Variants in GREM2 observed in about 807,000 individuals in gnomAD.
GREM2 encodes gremlin-2.
In GREM2, 11 loss-of-function variants were observed where a neutral mutation model predicts 14.2. That is an observed-to-expected ratio of 0.78 (90% CI 0.49 to 1.28). The LOEUF (loss-of-function observed/expected upper bound fraction) is 1.28, where lower values mean the gene tolerates loss of function less well. Among genes scored for constraint, GREM2 ranks in the 50% most tolerant of loss-of-function variants. The pLI is 0.00. For synonymous variants in GREM2, 98 were observed against 97.6 expected (o/e 1.00, Z -0.02); for missense variants, 210 against 218.5 (o/e 0.96, Z 0.24).
chr1:240,528,446 C>T (rs1678273837), intron 1 of GREM2, among the ~76,000 whole-genome samples: 1 of 152,114 alleles, frequency 6.6e-6, no homozygotes, highest in South Asian at 2.1e-4. Flanking sequence ...TCATTATTCA[C>T]CTGTCTCCAA....
intron 1 of GREM2, among the ~76,000 whole-genome samples, chr1:240,605,932 AC>A (rs1680016741): frequency 6.6e-6 from 1 of 152,166 alleles, no homozygotes; most frequent in Non-Finnish European, 1.5e-5. Flanking sequence ...ATTTTTCATG[AC>A]ATTTTTATTT....
chr1:240,566,228 G>T (rs897011592), intron 1 of GREM2, among the ~76,000 whole-genome samples: 3 of 152,166 alleles, frequency 2.0e-5, no homozygotes, highest in Admixed American at 2.0e-4. Flanking sequence ...TCTGGCCAAA[G>T]TGGAGTAAAG....
intron 1 of GREM2, among the ~76,000 whole-genome samples, chr1:240,510,136 G>C (rs533501079): frequency 2.0e-5 from 3 of 152,100 alleles, no homozygotes; most frequent in Non-Finnish European, 4.4e-5. Context: ...TTGGGAGGCC[G>C]AGGCGGGCGG....
chr1:240,526,541 G>C (rs1489280233), intron 1 of GREM2, among the ~76,000 whole-genome samples: 1 of 152,130 alleles, frequency 6.6e-6, no homozygotes, highest in African/African-American at 2.4e-5. Flanking sequence ...CCACGGCCTA[G>C]ATCAGGTTAC....
intron 1 of GREM2, among the ~76,000 whole-genome samples, chr1:240,585,322 GT>G (rs1318502932): frequency 6.6e-6 from 1 of 152,082 alleles, no homozygotes; most frequent in Non-Finnish European, 1.5e-5. Context: ...GACTGTTATG[GT>G]CATCTGCAAC....
chr1:240,509,515 T>C (rs1677756272), intron 1 of GREM2, among the ~76,000 whole-genome samples: 1 of 152,008 alleles, frequency 6.6e-6, no homozygotes. Flanking sequence ...ATTACAGGCA[T>C]GCACCAACAA....
At position 240,542,294 on chromosome 1, in the gene GREM2, A is replaced by G. The variant is rs1282764544; in HGVS notation, c.-1-48818T>C. Among the ~76,000 whole-genome samples the G allele has an allele frequency of 6.6e-6, 1 of 152,058 alleles. No individual in the cohort carries two copies. Among genetic ancestry groups the G allele is most frequent in the Non-Finnish European group, 1.5e-5 (1 of 68,026 alleles). ...CTAACAAATCCACAGTAATTGATTC[A>G]GCATTTTAATTTCTAAGGAGCTGAG... On this transcript the variant is annotated intron_variant, in intron 1 of 1. Coordinates refer to ENST00000318160, the MANE Select transcript of GREM2 (RefSeq NM_022469.4). The surrounding 1 kb of genome is among the most constrained non-coding windows in gnomAD (Gnocchi z 4.1).
intron 1 of GREM2, among the ~76,000 whole-genome samples, chr1:240,603,183 A>G (rs1002903275): frequency 5.3e-5 from 8 of 152,350 alleles, no homozygotes; most frequent in African/African-American, 1.7e-4. Context: ...CCAGGGCACC[A>G]GCCACACCTG....
At chr1:240,529,806 T>G (rs1476241122) in intron 1 of GREM2, among the ~76,000 whole-genome samples, 1 of 152,220 alleles carries the variant, frequency 6.6e-6, no homozygotes, top group Non-Finnish European at 1.5e-5. Context: ...TCCCTTTAGA[T>G]TCCCAGGTTT....
chr1:240,606,768 T>C (rs1680033668), intron 1 of GREM2, among the ~76,000 whole-genome samples: 1 of 146,736 alleles, frequency 6.8e-6, no homozygotes, highest in South Asian at 2.2e-4. Context: ...AACCTCCACC[T>C]CCCAGGTTCA....
chr1:240,542,999 C>T lies in GREM2; in HGVS notation c.-1-49523G>A, dbSNP rs564201894. On this transcript the variant is annotated intron_variant, in intron 1 of 1. Transcript: ENST00000318160. This position sits in a 1 kb window ranked among gnomAD's most constrained non-coding sequence, Gnocchi z 4.1. ...TTTGTGAAGCCTCTTACTTTCCTTC[C>T]GACCCATTGTCAAGATCCCACTAAA... Among the ~76,000 whole-genome samples the T allele has an allele frequency of 8.9e-4, 136 of 152,288 alleles. 1 individual carries two copies. Among genetic ancestry groups the T allele is most frequent in the African/African-American group, 2.4e-3 (99 of 41,564 alleles).
At chr1:240,597,483 T>G (rs1679841252) in intron 1 of GREM2, among the ~76,000 whole-genome samples, 1 of 152,252 alleles carries the variant, frequency 6.6e-6, no homozygotes, top group Admixed American at 6.5e-5. Context: ...CAGTCCCTGC[T>G]GAGCAAAACC....
Position 240,492,344 on chromosome 1 carries a change from C to T in GREM2, c.*625G>A. ...CTCTGCTCGAGGTTTCCCGGGAAGC[C>T]CACTTCGGGATCCAAGTGGCTCAAG... On this transcript the variant is annotated 3_prime_UTR_variant, in exon 2 of 2. Transcript: ENST00000318160. 2 of 299,314 alleles carry T rather than the reference C, an allele frequency of 6.7e-6. No homozygotes were observed. Among genetic ancestry groups the T allele is most frequent in the South Asian group, 5.4e-5 (2 of 37,036 alleles). 18.5% of individuals were successfully genotyped at this position (299,314 alleles called of 1,614,324 possible).
At chr1:240,575,538 T>C (rs984080068) in intron 1 of GREM2, among the ~76,000 whole-genome samples, 5 of 151,748 alleles carry the variant, frequency 3.3e-5, no homozygotes, top group South Asian at 2.1e-4. Flanking sequence ...TATTTTTTTT[T>C]CAGACTGAGT....
chr1:240,606,224 A>T (rs1680021484), intron 1 of GREM2, among the ~76,000 whole-genome samples: 1 of 152,254 alleles, frequency 6.6e-6, no homozygotes, highest in Admixed American at 6.5e-5. Flanking sequence ...CTGAGAAATA[A>T]AAAGAAGAAC....
intron 1 of GREM2, chr1:240,530,903 G>A (rs1678341688): frequency 9.9e-6 from 1 of 101,516 alleles, no homozygotes; most frequent in Non-Finnish European, 2.4e-5. Context: ...CGAAGGAAAT[G>A]AATGGAAAAT....
intron 1 of GREM2, among the ~76,000 whole-genome samples, chr1:240,555,270 T>A (rs551695235): frequency 6.6e-6 from 1 of 152,376 alleles, no homozygotes; most frequent in African/African-American, 2.4e-5. Flanking sequence ...TATTACTGAC[T>A]AATTAAATGA....
At chr1:240,590,431 C>CTTTTTTTTTT (rs11343465) in intron 1 of GREM2, among the ~76,000 whole-genome samples, 1 of 139,212 alleles carries the variant, frequency 7.2e-6, no homozygotes, top group Non-Finnish European at 1.6e-5. Flanking sequence ...CTTTTTCTTT[C>CTTTTTTTTTT]TTTTTTTTTT....
chr1:240,599,580 C>G (rs367727538), intron 1 of GREM2, among the ~76,000 whole-genome samples: 4 of 152,260 alleles, frequency 2.6e-5, no homozygotes, highest in African/African-American at 9.6e-5. Context: ...ACCAAATAAA[C>G]CAGTCCAAAT....
Sources: gnomAD v4.1 joint callset for allele counts (sites outside exome capture counted in the v4.1 genomes callset) on GRCh38, gnomAD v4.1.1 for gene constraint, Gnocchi (gnomAD v3.1) non-coding constraint, MANE v1.5 for transcripts, NCBI Gene and HGNC (gene_info 2026-07-23, HGNC 2026-07-21) for gene names.